The following DIAPH2 variants were observed in gnomAD, a reference collection of about 807,000 sequenced individuals.
DIAPH2 encodes diaphanous related formin 2, also known as protein diaphanous homolog 2.
In DIAPH2, 35 loss-of-function variants were observed where a neutral mutation model predicts 92.7. The ratio of observed to expected loss-of-function variants is 0.38; its 90% CI spans 0.29 to 0.50. The LOEUF (loss-of-function observed/expected upper bound fraction) is 0.50, where lower values mean the gene tolerates loss of function less well. Ranked by LOEUF, DIAPH2 falls within the 20% of genes least tolerant of loss-of-function variation. DIAPH2 has a pLI of 0.94. For missense variants in DIAPH2, 701 were observed against 819.5 expected (o/e 0.86, Z 1.77); for synonymous variants, 301 against 280.4 (o/e 1.07, Z -0.73).
intron 22 of DIAPH2, among the ~76,000 whole-genome samples, chrX:97,230,274 A>C (rs2068000370): frequency 8.9e-6 from 1 of 112,144 alleles, no homozygotes; most frequent in African/African-American, 3.2e-5. Context: ...ATCAACCATA[A>C]TTATTTTTAT....
At chrX:97,261,615 C>T (rs2068288710) in intron 23 of DIAPH2, among the ~76,000 whole-genome samples, 1 of 109,850 alleles carries the variant, frequency 9.1e-6, no homozygotes, top group Admixed American at 9.8e-5. Context: ...CTATGTTGAC[C>T]AGGCTGCTCT....
intron 5 of DIAPH2, among the ~76,000 whole-genome samples, chrX:96,902,990 C>G (rs1198254850): frequency 9.0e-6 from 1 of 111,205 alleles, no homozygotes; most frequent in African/African-American, 3.3e-5. Flanking sequence ...TGATCTTTGT[C>G]TACGTAGCTA....
At chrX:97,179,611 C>T (rs2067523028) in intron 22 of DIAPH2, among the ~76,000 whole-genome samples, 1 of 111,572 alleles carries the variant, frequency 9.0e-6, no homozygotes, top group Non-Finnish European at 1.9e-5. Context: ...ATTCTCTCAT[C>T]GATGGGCATT....
intron 22 of DIAPH2, among the ~76,000 whole-genome samples, chrX:97,171,782 T>G (rs1160288790): frequency 6.3e-5 from 7 of 110,621 alleles, no homozygotes; most frequent in African/African-American, 2.0e-4. Context: ...CTACTAAAAA[T>G]ACAAAAAATC....
chrX:97,404,192 A>G (rs184064600), intron 25 of DIAPH2, among the ~76,000 whole-genome samples: 1 of 111,987 alleles, frequency 8.9e-6, no homozygotes, highest in African/African-American at 3.2e-5. Context: ...TCAGGGAAAT[A>G]CCAGCTGTAC....
chrX:97,180,168 A>C (rs2067527504), intron 22 of DIAPH2, among the ~76,000 whole-genome samples: 1 of 112,355 alleles, frequency 8.9e-6, no homozygotes, highest in Non-Finnish European at 1.9e-5. Context: ...ACTAATTTAC[A>C]TTCCCACCAA....
Position 97,190,362 on chromosome X carries a change from C to T in DIAPH2, c.2719+48568C>T, listed in dbSNP as rs141906094. Among the ~76,000 whole-genome samples the T allele has an allele frequency of 7.8e-3, 880 of 112,699 alleles. 16 individuals are homozygous for T. The highest frequency in any genetic ancestry group is 0.027 in the African/African-American group (835 of 31,063). ...TTTCAAAGGTTTAAAGGTTTTTCTG[C>T]GGGCTGCCTTTGTTTCAGCAGAGTG... is the stretch of plus-strand genomic sequence containing the variant. On this transcript the variant is annotated intron_variant, in intron 22 of 26. Coordinates refer to ENST00000324765, the MANE Select transcript of DIAPH2 (RefSeq NM_006729.5).
chrX:97,525,861 CTAGA>C (rs1415155456), intron 26 of DIAPH2, among the ~76,000 whole-genome samples: 1 of 112,046 alleles, frequency 8.9e-6, no homozygotes, highest in Non-Finnish European at 1.9e-5. Flanking sequence ...GCATCTGGGG[CTAGA>C]TAAACTGCTC....
intron 22 of DIAPH2, among the ~76,000 whole-genome samples, chrX:97,185,037 G>C (rs1383200217): frequency 9.3e-6 from 1 of 107,017 alleles, no homozygotes; most frequent in Non-Finnish European, 1.9e-5. Context: ...CCAGCACTTT[G>C]GGAGGCCGAG....
chrX:97,568,014 G>A (rs2071338910), intron 26 of DIAPH2, among the ~76,000 whole-genome samples: 1 of 105,405 alleles, frequency 9.5e-6, no homozygotes. Context: ...TACTCAGGAG[G>A]CTGAGGCAGG....
At chrX:96,737,970 A>G (rs1199895390) in intron 2 of DIAPH2, among the ~76,000 whole-genome samples, 1 of 111,689 alleles carries the variant, frequency 9.0e-6, no homozygotes, top group Non-Finnish European at 1.9e-5. Flanking sequence ...GGTGTAAGTA[A>G]TATCATTATC....
At chrX:97,234,724 A>AT (rs201579062) in intron 22 of DIAPH2, among the ~76,000 whole-genome samples, 37 of 110,141 alleles carry the variant, frequency 3.4e-4, no homozygotes, top group Non-Finnish European at 5.9e-4. Flanking sequence ...CCTTCTTTTG[A>AT]TTTTTTTTTC....
intron 22 of DIAPH2, among the ~76,000 whole-genome samples, chrX:97,209,352 C>G (rs1486470633): frequency 9.0e-6 from 1 of 110,655 alleles, no homozygotes; most frequent in Non-Finnish European, 1.9e-5. Flanking sequence ...AGAGGGATAG[C>G]AAGAACTGCT....
chrX:97,414,779 C>A (rs2069923600), intron 25 of DIAPH2, among the ~76,000 whole-genome samples: 1 of 111,162 alleles, frequency 9.0e-6, no homozygotes. Flanking sequence ...AAAACCTAGG[C>A]AATACCATTC....
intron 9 of DIAPH2, among the ~76,000 whole-genome samples, chrX:96,923,899 G>A (rs868425577): frequency 6.1e-4 from 68 of 111,503 alleles, no homozygotes; most frequent in Middle Eastern, 9.3e-3. Context: ...AGTTTATTTT[G>A]CGTAAGAATG....
At chrX:97,085,977 G>A (rs1208428019) in intron 19 of DIAPH2, among the ~76,000 whole-genome samples, 1 of 111,398 alleles carries the variant, frequency 9.0e-6, no homozygotes, top group Non-Finnish European at 1.9e-5. Context: ...ACCTATAGAG[G>A]TATCACTTTA....
chrX:97,206,272 G>A (rs187697915), intron 22 of DIAPH2, among the ~76,000 whole-genome samples: 30 of 111,455 alleles, frequency 2.7e-4, no homozygotes, highest in Non-Finnish European at 3.8e-4. Flanking sequence ...GTATACCTAT[G>A]TGACAAACCT....
At chrX:97,314,293 T>C (rs2068822795) in intron 23 of DIAPH2, among the ~76,000 whole-genome samples, 1 of 108,359 alleles carries the variant, frequency 9.2e-6, no homozygotes, top group South Asian at 4.1e-4. Context: ...ACACCTGTAG[T>C]CCCAGCTACT....
chrX:97,203,551 CAAAT>C (rs1305369265), intron 22 of DIAPH2, among the ~76,000 whole-genome samples: 1 of 111,982 alleles, frequency 8.9e-6, no homozygotes, highest in East Asian at 2.8e-4. Flanking sequence ...CACCTCTACA[CAAAT>C]AAACTAGAAA....
Sources: gnomAD v4.1 joint callset for allele counts (sites outside exome capture counted in the v4.1 genomes callset) on GRCh38, gnomAD v4.1.1 for gene constraint, MANE v1.5 for transcripts, NCBI Gene and HGNC (gene_info 2026-07-23, HGNC 2026-07-21) for gene names.